The following CPNE8 variants were observed in gnomAD, a reference collection of about 807,000 sequenced individuals.
CPNE8 encodes copine 8.
In CPNE8, 45 loss-of-function variants were observed where a neutral mutation model predicts 81.5. The observed-to-expected ratio is 0.55, with a 90% CI of 0.44 to 0.71. The LOEUF (loss-of-function observed/expected upper bound fraction) is 0.71. Among genes scored for constraint, CPNE8 ranks in the 30% least tolerant of loss-of-function variants. CPNE8 has a pLI of 0.00. For synonymous variants in CPNE8, 252 were observed against 226.3 expected (o/e 1.11, Z -1.02); for missense variants, 594 against 672.1 (o/e 0.88, Z 1.28).
intron 1 of CPNE8, among the ~76,000 whole-genome samples, chr12:38,888,850 T>C (rs1212653168): frequency 6.6e-6 from 1 of 152,244 alleles, no homozygotes; most frequent in Non-Finnish European, 1.5e-5. Context: ...TGATTTTTTT[T>C]CAACTCAATT....
intron 6 of CPNE8, among the ~76,000 whole-genome samples, chr12:38,784,090 C>T (rs1942116193): frequency 6.6e-6 from 1 of 152,154 alleles, no homozygotes; most frequent in African/African-American, 2.4e-5. Flanking sequence ...GTAAAAATAG[C>T]TGTTTTGAGG....
chr12:38,819,660 G>A (rs936122415), intron 6 of CPNE8, among the ~76,000 whole-genome samples: 10 of 151,388 alleles, frequency 6.6e-5, no homozygotes, highest in African/African-American at 1.9e-4. Flanking sequence ...CCAGCTACTC[G>A]GGAGGCTGAC....
At chr12:38,830,240 A>G (rs2137023484) in intron 5 of CPNE8, among the ~76,000 whole-genome samples, 1 of 152,308 alleles carries the variant, frequency 6.6e-6, no homozygotes, top group South Asian at 2.1e-4. Context: ...CTATATCAAA[A>G]CATCTCATGT....
At chr12:38,762,679 C>T (rs1383124971) in intron 8 of CPNE8, among the ~76,000 whole-genome samples, 1 of 152,010 alleles carries the variant, frequency 6.6e-6, no homozygotes, top group African/African-American at 2.4e-5. Context: ...AAAAGTTAGG[C>T]TAATTTAAGG....
chr12:38,798,613 A>G (rs1942567486), intron 6 of CPNE8, among the ~76,000 whole-genome samples: 1 of 152,186 alleles, frequency 6.6e-6, no homozygotes, highest in African/African-American at 2.4e-5. Flanking sequence ...TGTAAAGACC[A>G]TCGAGACTAG....
intron 6 of CPNE8, among the ~76,000 whole-genome samples, chr12:38,806,425 C>T (rs1029425791): frequency 6.7e-6 from 1 of 149,370 alleles, no homozygotes; most frequent in Non-Finnish European, 1.5e-5. Context: ...GGCTTCATCC[C>T]TGGGATGCAA....
intron 7 of CPNE8, among the ~76,000 whole-genome samples, chr12:38,772,174 T>C (rs1941816552): frequency 1.3e-5 from 2 of 152,164 alleles, no homozygotes; most frequent in Non-Finnish European, 2.9e-5. Context: ...TCACTTTCTC[T>C]GCCACAATGT....
At chr12:38,861,415 C>A (rs749019330) in intron 3 of CPNE8, among the ~76,000 whole-genome samples, 1 of 151,854 alleles carries the variant, frequency 6.6e-6, no homozygotes, top group South Asian at 2.1e-4. Context: ...CAAATCAGAA[C>A]GAATATTAAA....
chr12:38,665,727 A>T (rs1445950829), intron 19 of CPNE8, among the ~76,000 whole-genome samples: 1 of 152,196 alleles, frequency 6.6e-6, no homozygotes, highest in Admixed American at 6.5e-5. Context: ...TGCCTTATAC[A>T]CAATGGCCAA....
chr12:38,743,444 A>G (rs998838042), intron 10 of CPNE8, among the ~76,000 whole-genome samples: 2 of 152,128 alleles, frequency 1.3e-5, no homozygotes, highest in Non-Finnish European at 2.9e-5. Flanking sequence ...TAATGCAAAA[A>G]TGATCCAAAA....
intron 6 of CPNE8, among the ~76,000 whole-genome samples, chr12:38,819,522 C>T (rs1410689389): frequency 6.6e-6 from 1 of 152,064 alleles, no homozygotes; most frequent in African/African-American, 2.4e-5. Context: ...AATTGCAGCA[C>T]TTTGGGAGGC....
At chr12:38,889,749 T>C (rs1284517675) in intron 1 of CPNE8, among the ~76,000 whole-genome samples, 1 of 152,178 alleles carries the variant, frequency 6.6e-6, no homozygotes, top group Non-Finnish European at 1.5e-5. Context: ...AGTCTTTGCA[T>C]GGGTCAGACT....
chr12:38,904,237 G>A (rs547727247), intron 1 of CPNE8, among the ~76,000 whole-genome samples: 128 of 152,298 alleles, frequency 8.4e-4, no homozygotes, highest in African/African-American at 2.9e-3. Flanking sequence ...TGAGGAGCCA[G>A]TTTTCCAGTG....
chr12:38,741,024 G>A (rs1247065199), intron 10 of CPNE8, among the ~76,000 whole-genome samples: 1 of 152,036 alleles, frequency 6.6e-6, no homozygotes, highest in Non-Finnish European at 1.5e-5. Context: ...GCTCAATGAA[G>A]TAAAAGAGGA....
At chr12:38,870,492 G>A (rs2137100560) in intron 3 of CPNE8, among the ~76,000 whole-genome samples, 1 of 152,280 alleles carries the variant, frequency 6.6e-6, no homozygotes, top group Non-Finnish European at 1.5e-5. Flanking sequence ...GTCCTTTGCA[G>A]GGACATGGAT....
intron 6 of CPNE8, among the ~76,000 whole-genome samples, chr12:38,798,199 C>T (rs911755297): frequency 1.6e-4 from 24 of 152,118 alleles, no homozygotes; most frequent in South Asian, 8.3e-4. Context: ...ATACAGAGAA[C>T]GCCACAAAGA....
intron 3 of CPNE8, among the ~76,000 whole-genome samples, chr12:38,850,883 T>C (rs543613528): frequency 1.2e-4 from 18 of 152,348 alleles, no homozygotes; most frequent in African/African-American, 4.1e-4. Context: ...AGTTTGAATG[T>C]ATCCCTTCCA....
At chr12:38,690,695 A>T (rs987205208) in intron 15 of CPNE8, among the ~76,000 whole-genome samples, 1 of 152,162 alleles carries the variant, frequency 6.6e-6, no homozygotes, top group African/African-American at 2.4e-5. Context: ...GGGGAGGAAA[A>T]AGGAAAAAAA....
chr12:38,671,500 C>T (rs1939175694), intron 18 of CPNE8, among the ~76,000 whole-genome samples: 1 of 152,136 alleles, frequency 6.6e-6, no homozygotes, highest in East Asian at 1.9e-4. Flanking sequence ...TAATGCAGTG[C>T]TGCAATTAAG....
Sources: allele counts gnomAD v4.1 joint callset (sites outside exome capture counted in the v4.1 genomes callset), GRCh38; gene constraint gnomAD v4.1.1; transcripts MANE v1.5; gene names NCBI Gene and HGNC (gene_info 2026-07-23, HGNC 2026-07-21).